The following TIMM23B variants were observed in gnomAD, a reference collection of about 807,000 sequenced individuals.
The protein encoded by TIMM23B is mitochondrial import inner membrane translocase subunit Tim23B.
TIMM23B carries 27 observed loss-of-function variants against 27.3 expected under a neutral mutation model. The observed-to-expected ratio is 0.99, with a 90% confidence interval of 0.73 to 1.36. The LOEUF (loss-of-function observed/expected upper bound fraction) is 1.36. Among genes scored for constraint, TIMM23B ranks in the 40% most tolerant of loss-of-function variants. TIMM23B has a pLI of 0.00. For missense variants in TIMM23B, 205 were observed against 244.2 expected, an observed-to-expected ratio of 0.84 and a Z score of 1.07; for synonymous variants, 73 against 92.4, an observed-to-expected ratio of 0.79 and a Z score of 1.21.
At chr10:49,969,299 T>G (rs1482131132) in intron 6 of TIMM23B, among the ~76,000 whole-genome samples, 7 of 152,036 alleles carry the variant, frequency 4.6e-5, no homozygotes, top group African/African-American at 1.7e-4. Context: ...TAGCCAGTCT[T>G]GGTGGTGGGC....
At chr10:49,950,474 G>A (rs1839490751) in intron 2 of TIMM23B, among the ~76,000 whole-genome samples, 1 of 149,168 alleles carries the variant, frequency 6.7e-6, no homozygotes, top group Non-Finnish European at 1.5e-5. Context: ...GAATGAGTTG[G>A]TGCTAACGTG....
At chr10:49,969,610 T>C (rs1309707432) in intron 6 of TIMM23B, among the ~76,000 whole-genome samples, 1 of 151,338 alleles carries the variant, frequency 6.6e-6, no homozygotes, top group Non-Finnish European at 1.5e-5. Flanking sequence ...GGAAGATCAC[T>C]TGAGCTTGGG....
At chr10:49,944,111 AT>A (rs1839279375) in intron 1 of TIMM23B, among the ~76,000 whole-genome samples, 3 of 152,362 alleles carry the variant, frequency 2.0e-5, no homozygotes, top group South Asian at 4.1e-4. Flanking sequence ...AGCTTGTGAA[AT>A]CAGAGAGGTA....
intron 6 of TIMM23B, among the ~76,000 whole-genome samples, chr10:49,969,096 G>C (rs1341615133): frequency 7.2e-5 from 11 of 152,138 alleles, no homozygotes; most frequent in Non-Finnish European, 4.4e-5. Context: ...CAGTTCTTAA[G>C]GCTTTGATTA....
intron 6 of TIMM23B, among the ~76,000 whole-genome samples, chr10:49,967,360 TGAATCTG>T: frequency 6.6e-6 from 1 of 152,384 alleles, no homozygotes; most frequent in South Asian, 2.1e-4. Flanking sequence ...TCCAAATCCA[TGAATCTG>T]GACGTTGAAG....
chr10:49,952,551 A>G lies in TIMM23B; in HGVS notation c.344+18A>G. 6.2e-7 allele frequency: 1 copy of G among 1,612,682 alleles called. No homozygotes were observed. Among genetic ancestry groups the G allele is most frequent in the South Asian group, 1.1e-5 (1 of 90,932 alleles). ...AATGTACAGTAAGTCTCTTGTAACC[A>G]TCTGATGTAGTGATACTTGAATATT... is the stretch of plus-strand genomic sequence containing the variant. On this transcript the variant is annotated intron_variant, in intron 4 of 6. Coordinates refer to ENST00000651259, the MANE Select transcript of TIMM23B (RefSeq NM_001290117.2).
In TIMM23B at chr10:49,945,059, A is replaced by G. The variant is rs1228943120; in HGVS notation, c.134A>G (p.Tyr45Cys). The change falls in exon 2 of 7, where the codon TAT becomes TGT. Residue 45 changes from tyrosine (Y) to cysteine (C), a missense_variant. By Grantham distance (194) the Tyr-to-Cys change is radical (BLOSUM62 -2). Coordinates refer to ENST00000651259, the MANE Select transcript of TIMM23B (RefSeq NM_001290117.2). ...PLTGMNPLCP[Y>C]LNVDPRYLVQ... ...ACTGGTATGAACCCTCTGTGTCCTT[A>G]TTTAAATGTGGATCCACGATACCTC... The G allele has an allele frequency of 6.3e-7, 1 of 1,599,374 alleles. No homozygotes were observed. Among genetic ancestry groups the G allele is most frequent in the Non-Finnish European group, 8.6e-7 (1 of 1,169,194 alleles).
intron 6 of TIMM23B, among the ~76,000 whole-genome samples, chr10:49,968,474 C>A (rs1376528835): frequency 1.3e-5 from 2 of 151,978 alleles, no homozygotes; most frequent in Non-Finnish European, 2.9e-5. Context: ...ATAAACCAAC[C>A]CAACAAAAAA....
intron 6 of TIMM23B, among the ~76,000 whole-genome samples, chr10:49,968,696 A>C (rs1840279417): frequency 6.6e-6 from 1 of 152,002 alleles, no homozygotes. Flanking sequence ...TTATCCGGGC[A>C]TGGTGGTGGG....
chr10:49,960,952 G>A (rs1217441766), intron 6 of TIMM23B, among the ~76,000 whole-genome samples: 1 of 149,998 alleles, frequency 6.7e-6, no homozygotes, highest in Non-Finnish European at 1.5e-5. Flanking sequence ...TTTGGACAGA[G>A]TATTAGAATT....
intron 6 of TIMM23B, among the ~76,000 whole-genome samples, chr10:49,970,916 A>C (rs1421313256): frequency 3.3e-5 from 5 of 152,196 alleles, no homozygotes; most frequent in African/African-American, 1.2e-4. Flanking sequence ...AAGATAGAGA[A>C]ATCGGATTGT....
chr10:49,963,285 T>G (rs1427434245), intron 6 of TIMM23B, among the ~76,000 whole-genome samples: 1 of 151,912 alleles, frequency 6.6e-6, no homozygotes, highest in Non-Finnish European at 1.5e-5. Context: ...AGAGCAAGTC[T>G]CTGTCTCGAA....
rs1368928291 is a variant in TIMM23B, at chr10:49,942,678, A to C, written c.106+378A>C. ...GCCCGTAGTTAACTTTTTAGTACAC[A>C]GTGACATATTCTGAGCCTCCAAGTA... On this transcript the variant is annotated intron_variant, in intron 1 of 6. Coordinates refer to ENST00000651259, the MANE Select transcript of TIMM23B (RefSeq NM_001290117.2). 5.7e-4 allele frequency among the ~76,000 whole-genome samples: 87 copies of C among 152,310 alleles called. 2 individuals are homozygous for C. In the East Asian group the frequency reaches 0.015, roughly 26 times the overall value.
chr10:49,945,174 C>T lies in TIMM23B; in HGVS notation c.165+84C>T, dbSNP rs1435458504. On this transcript the variant is annotated intron_variant, in intron 2 of 6. Transcript: ENST00000651259. ...AGTGCTATGCTGACTTGAACTATGA[C>T]ATACACTTCTGGAGGCAGTAAGTCT... 1.1e-4 allele frequency: 153 copies of T among 1,419,168 alleles called. 1 individual carries two copies. Among genetic ancestry groups the T allele is most frequent in the South Asian group, 5.8e-4 (49 of 84,726 alleles). 87.9% of individuals were successfully genotyped at this position (1,419,168 alleles called of 1,614,324 possible). A position where few individuals can be genotyped will look rare whatever the true frequency, so the allele number is the denominator to read the frequency against.
chr10:49,949,237 C>G (rs1839446778), intron 2 of TIMM23B, among the ~76,000 whole-genome samples: 1 of 139,004 alleles, frequency 7.2e-6, no homozygotes, highest in East Asian at 2.1e-4. Context: ...ATGGTTGGAA[C>G]CTTTTATTTC....
At chr10:49,965,030 G>A (rs1221916511) in intron 6 of TIMM23B, among the ~76,000 whole-genome samples, 1 of 152,200 alleles carries the variant, frequency 6.6e-6, no homozygotes, top group East Asian at 1.9e-4. Context: ...AGATCAGCCT[G>A]GCCAACATGG....
intron 6 of TIMM23B, among the ~76,000 whole-genome samples, chr10:49,961,134 G>A (rs1839881392): frequency 6.6e-6 from 1 of 151,806 alleles, no homozygotes; most frequent in Admixed American, 6.6e-5. Context: ...TGTAATCCCA[G>A]CATTTTTGGG....
In TIMM23B at chr10:49,942,055, C is replaced by T. The variant is rs1839122596; in HGVS notation, c.-140C>T. 1.7e-5 allele frequency: 20 copies of T among 1,210,522 alleles called. No individual in the cohort carries two copies. Among genetic ancestry groups the T allele is most frequent in the Non-Finnish European group, 2.3e-5 (20 of 877,602 alleles). 75.0% of individuals were successfully genotyped at this position (1,210,522 alleles called of 1,614,324 possible). On this transcript the variant is annotated 5_prime_UTR_variant, in exon 1 of 7. In the 5' UTR this introduces an upstream ATG that the reference lacks. Coordinates refer to ENST00000651259, the MANE Select transcript of TIMM23B (RefSeq NM_001290117.2). Reference sequence around the variant, plus strand: ...CGCAAAGCGGAAGTGTGGCGCTTAACGGGAACCGGCGCCCGGAATGTCAGC... The same window carrying T: ...CGCAAAGCGGAAGTGTGGCGCTTAATGGGAACCGGCGCCCGGAATGTCAGC...
intron 1 of TIMM23B, among the ~76,000 whole-genome samples, chr10:49,942,771 A>G (rs2133037855): frequency 6.6e-6 from 1 of 152,094 alleles, no homozygotes; most frequent in African/African-American, 2.4e-5. Flanking sequence ...GGGACAGGCT[A>G]GGAAACCTTC....
Sources: allele counts gnomAD v4.1 joint callset (sites outside exome capture counted in the v4.1 genomes callset), GRCh38; gene constraint gnomAD v4.1.1; transcripts MANE v1.5; gene names NCBI Gene and HGNC (gene_info 2026-07-23, HGNC 2026-07-21).